GRWD1: variants seen among roughly 807,000 people sequenced by gnomAD.
GRWD1 encodes glutamate rich WD repeat containing 1.
GRWD1 carries 29 observed loss-of-function variants against 45.3 expected under a neutral mutation model. The observed-to-expected ratio is 0.64, with a 90% CI of 0.48 to 0.87. The LOEUF (loss-of-function observed/expected upper bound fraction) is 0.87, where lower values mean the gene tolerates loss of function less well. GRWD1 is among the 40% of genes least tolerant of loss of function. The probability of loss-of-function intolerance (pLI) is 0.00; values close to 1 mark genes in which losing one functional copy is unlikely to be tolerated. For missense variants in GRWD1, 592 were observed against 618.8 expected (o/e 0.96, Z 0.46); for synonymous variants, 262 against 257.6 (o/e 1.02, Z -0.16).
chr19:48,456,196 GCCCACCTGC>G lies in GRWD1; in HGVS notation c.*3175_*3183del, dbSNP rs1971537968. On this transcript the variant is annotated 3_prime_UTR_variant, in exon 7 of 7. Coordinates refer to ENST00000253237, the MANE Select transcript of GRWD1 (RefSeq NM_031485.4). ...CTGGGGAGCACAGGTCAGTGTCAGT[GCCCACCTGC>G]CCCCCCAGCCCACGGGGGTGGTTCC... The G allele has an allele frequency of 6.6e-6, 1 of 152,294 alleles. No individual in the cohort carries two copies. Among genetic ancestry groups the G allele is most frequent in the African/African-American group, 2.4e-5 (1 of 41,436 alleles). 9.4% of individuals were successfully genotyped at this position (152,294 alleles called of 1,614,324 possible). A position where few individuals can be genotyped will look rare whatever the true frequency, so the allele number is the denominator to read the frequency against.
rs989555449 is a variant in GRWD1, at chr19:48,446,850, A to G, written c.468+7A>G. Reference sequence around the variant, plus strand: ...TGGCATCAACCGAGTTCGGGTAAGTATGGTCCCAGGAGCCTGCTCTGCATA... The same window carrying G: ...TGGCATCAACCGAGTTCGGGTAAGTGTGGTCCCAGGAGCCTGCTCTGCATA... On this transcript the variant is annotated splice_region_variant and intron_variant, in intron 3 of 6. Transcript: ENST00000253237. The G allele has an allele frequency of 2.3e-5, 37 of 1,609,680 alleles. No homozygotes were observed. The highest frequency in any genetic ancestry group is 3.1e-5 in the Non-Finnish European group (37 of 1,178,326).
At chr19:48,447,071 A>AT (rs869052120) in intron 3 of GRWD1, among the ~76,000 whole-genome samples, 1,181 of 19,298 alleles carry the variant, frequency 0.061, 16 homozygotes, top group South Asian at 0.36. Context: ...TGCCTGGCCC[A>AT]TTTTTTTTTT....
chr19:48,450,975 G>T lies in GRWD1; in HGVS notation c.826-59G>T. The T allele has an allele frequency of 6.4e-7, 1 of 1,556,120 alleles. No homozygotes were observed. Among genetic ancestry groups the T allele is most frequent in the Non-Finnish European group, 8.8e-7 (1 of 1,139,502 alleles). On this transcript the variant is annotated intron_variant, in intron 5 of 6. Coordinates refer to ENST00000253237, the MANE Select transcript of GRWD1 (RefSeq NM_031485.4). The surrounding 1 kb of genome is among the most constrained non-coding windows in gnomAD (Gnocchi z 5.1). ...AAAGAGAGAGTAGCCCACCGCTGGCGCTTGGGCTTCACTGCGGGCTGGGGG... is the reference window on the plus strand; with the variant it reads ...AAAGAGAGAGTAGCCCACCGCTGGCTCTTGGGCTTCACTGCGGGCTGGGGG...
At chr19:48,447,278 G>A (rs1333026739) in intron 3 of GRWD1, among the ~76,000 whole-genome samples, 1 of 151,530 alleles carries the variant, frequency 6.6e-6, no homozygotes, top group African/African-American at 2.4e-5. Context: ...ATGAAGTCTT[G>A]CTCTGTCGCT....
chr19:48,446,466 G>T lies in GRWD1; in HGVS notation c.269G>T (p.Cys90Phe). Residue 90 changes from cysteine (C) to phenylalanine (F), a missense_variant, in exon 2 of 7, where the codon TGT (cysteine) becomes TTT (phenylalanine). Coordinates refer to ENST00000253237, the MANE Select transcript of GRWD1 (RefSeq NM_031485.4). ...RTELPLTLYL[C>F]AGTQAESAQS... ...GAGCTTCCTCTTACACTTTACTTGT[G>T]TGCTGGGACCCAGGCTGAGAGCGCC... The T allele has an allele frequency of 1.2e-6, 2 of 1,614,192 alleles. No individual in the cohort carries two copies. Among genetic ancestry groups the T allele is most frequent in the South Asian group, 1.1e-5 (1 of 91,088 alleles).
Position 48,446,512 on chromosome 19 carries a change from G to A in GRWD1, c.305+10G>A. 6.2e-7 allele frequency: 1 copy of A among 1,611,622 alleles called. No homozygotes were observed. The highest frequency in any genetic ancestry group is 8.5e-7 in the Non-Finnish European group (1 of 1,177,842). ...GCGCCCAGAGCAACAGGTAAGACCC[G>A]AGGCTTTTCCAGGACCAGGAGGCTC... is the stretch of plus-strand genomic sequence containing the variant. On this transcript the variant is annotated intron_variant, in intron 2 of 6. Coordinates refer to ENST00000253237, the MANE Select transcript of GRWD1 (RefSeq NM_031485.4).
In GRWD1 at chr19:48,452,345, G is replaced by A. The variant is rs1201307013; in HGVS notation, c.1024-363G>A. Among the ~76,000 whole-genome samples, 7 of 151,860 alleles carry A rather than the reference G, an allele frequency of 4.6e-5. No homozygotes were observed. The highest frequency in any genetic ancestry group is 4.2e-4 in the South Asian group (2 of 4,812). ...ACTCCTGACCTCGGGTGATCCACCCGCCTTGGCCTCCCAAGGTGCTGAGAT... is the reference window on the plus strand; with the variant it reads ...ACTCCTGACCTCGGGTGATCCACCCACCTTGGCCTCCCAAGGTGCTGAGAT... On this transcript the variant is annotated intron_variant, in intron 6 of 6. Coordinates refer to ENST00000253237, the MANE Select transcript of GRWD1 (RefSeq NM_031485.4). This position sits in a 1 kb window ranked among gnomAD's most constrained non-coding sequence, Gnocchi z 5.1.
Position 48,450,689 on chromosome 19 carries a change from C to A in GRWD1, c.706C>A (p.Gln236Lys). ...VTGRLLTGDCQKNIHLWTPTD... is the reference protein window; with the variant it reads ...VTGRLLTGDCKKNIHLWTPTD... ...AGGTCGCCTGCTGACCGGTGACTGT[C>A]AAAAGAACATCCACCTCTGGACACC... is the stretch of plus-strand genomic sequence containing the variant. Residue 236 changes from glutamine to lysine, a missense_variant, in exon 5 of 7, where the codon CAA becomes AAA. By Grantham distance (53) the Gln-to-Lys change is moderately conservative (BLOSUM62 1). Transcript: ENST00000253237. The surrounding 1 kb of genome is among the most constrained non-coding windows in gnomAD (Gnocchi z 5.1). 6.2e-7 allele frequency: 1 copy of A among 1,614,008 alleles called. No individual in the cohort carries two copies.
chr19:48,450,720 A>G lies in GRWD1; in HGVS notation c.737A>G (p.Asp246Gly), dbSNP rs564945522. The change falls in exon 5 of 7, where the codon GAC becomes GGC. Residue 246 changes from aspartate (D) to glycine (G), a missense_variant. Coordinates refer to ENST00000253237, the MANE Select transcript of GRWD1 (RefSeq NM_031485.4). This position sits in a 1 kb window ranked among gnomAD's most constrained non-coding sequence, Gnocchi z 5.1. ...AACATCCACCTCTGGACACCTACGG[A>G]CGGCGGCTCCTGGCACGTGGACCAG... Reference protein sequence around the residue: ...QKNIHLWTPTDGGSWHVDQRP... With the variant: ...QKNIHLWTPTGGGSWHVDQRP... 7.4e-6 allele frequency: 12 copies of G among 1,613,982 alleles called. No homozygotes were observed. The East Asian group carries it at 2.0e-4, about 27-fold the overall frequency.
chr19:48,452,772 C>T lies in GRWD1; in HGVS notation c.1088C>T (p.Pro363Leu), dbSNP rs745897631. ...CCCGTGACCTCCGTCGAGTGGCACCCCCAGGACAGCGGGGTCTTTGCAGCC... is the reference window on the plus strand; with the variant it reads ...CCCGTGACCTCCGTCGAGTGGCACCTCCAGGACAGCGGGGTCTTTGCAGCC... ...VAPVTSVEWH[P>L]QDSGVFAASG... The change falls in exon 7 of 7, where the codon CCC (proline) becomes CTC (leucine). Residue 363 changes from proline (P) to leucine (L), a missense_variant. By Grantham distance (98) the Pro-to-Leu change is moderately conservative. Transcript: ENST00000253237. This position sits in a 1 kb window ranked among gnomAD's most constrained non-coding sequence, Gnocchi z 5.1. 3.7e-6 allele frequency: 6 copies of T among 1,608,646 alleles called. No homozygotes were observed. In the Admixed American group the frequency reaches 1.0e-4, roughly 27 times the overall value.
At position 48,452,348 on chromosome 19, in the gene GRWD1, T is replaced by C. The variant is rs1216763292; in HGVS notation, c.1024-360T>C. On this transcript the variant is annotated intron_variant, in intron 6 of 6. Transcript: ENST00000253237. This position sits in a 1 kb window ranked among gnomAD's most constrained non-coding sequence, Gnocchi z 5.1. ...CCTGACCTCGGGTGATCCACCCGCC[T>C]TGGCCTCCCAAGGTGCTGAGATTAC... is the stretch of plus-strand genomic sequence containing the variant. Among the ~76,000 whole-genome samples the C allele has an allele frequency of 6.6e-6, 1 of 152,104 alleles. No homozygotes were observed. The highest frequency in any genetic ancestry group is 2.4e-5 in the African/African-American group (1 of 41,444).
rs1438833026 is a variant in GRWD1 at position 48,453,212 on chromosome 19, A to T, written c.*187A>T. 1 of 570,014 alleles carries T rather than the reference A, an allele frequency of 1.8e-6. No individual in the cohort carries two copies. Among genetic ancestry groups the T allele is most frequent in the Non-Finnish European group, 3.1e-6 (1 of 325,930 alleles). 35.3% of individuals were successfully genotyped at this position (570,014 alleles called of 1,614,324 possible). A position where few individuals can be genotyped will look rare whatever the true frequency, so the allele number is the denominator to read the frequency against. ...GATCCAGTGACCCCTCTCACCAAAG[A>T]ACTCGGTTTAACCAGGGCTCTGTAA... On this transcript the variant is annotated 3_prime_UTR_variant, in exon 7 of 7. Transcript: ENST00000253237.
intron 1 of GRWD1, 36 bp from the exon 2 acceptor site, chr19:48,446,349 C>T (rs776555362): frequency 4.4e-6 from 7 of 1,597,034 alleles, no homozygotes; most frequent in East Asian, 2.2e-5. Context: ...TCTTACTGTC[C>T]CGTCTTAACT....
In GRWD1 at chr19:48,446,782, A is replaced by G. The variant is rs1204199408; in HGVS notation, c.407A>G (p.Glu136Gly). The G allele has an allele frequency of 6.2e-7, 1 of 1,614,134 alleles. No homozygotes were observed. The highest frequency in any genetic ancestry group is 2.2e-5 in the East Asian group (1 of 44,878). Residue 136 changes from glutamate to glycine, a missense_variant, in exon 3 of 7, where the codon GAG (glutamate) becomes GGG (glycine). Coordinates refer to ENST00000253237, the MANE Select transcript of GRWD1 (RefSeq NM_031485.4). Reference protein sequence around the residue: ...EEEEDEEDEEERKPQLELAMV... With the variant: ...EEEEDEEDEEGRKPQLELAMV... ...GAGGAAGATGAAGAGGATGAAGAAG[A>G]GCGGAAACCTCAGCTGGAGCTGGCC...
chr19:48,450,844 A>G lies in GRWD1; in HGVS notation c.825+36A>G. 2 of 1,594,476 alleles carry G rather than the reference A, an allele frequency of 1.3e-6. No homozygotes were observed. The highest frequency in any genetic ancestry group is 1.7e-6 in the Non-Finnish European group (2 of 1,167,680). ...GTGGGGTTCTGGTCGTTTAGTTCTG[A>G]TGGATTCTAGGCCAGGGACCTAGAA... On this transcript the variant is annotated intron_variant, in intron 5 of 6. Coordinates refer to ENST00000253237, the MANE Select transcript of GRWD1 (RefSeq NM_031485.4). This position sits in a 1 kb window ranked among gnomAD's most constrained non-coding sequence, Gnocchi z 5.1.
In GRWD1 at chr19:48,446,097, A is replaced by T; in HGVS notation, c.92A>T (p.Gln31Leu). The change falls in exon 1 of 7, where the codon CAG (glutamine) becomes CTG (leucine). Residue 31 changes from glutamine to leucine, a missense_variant. Coordinates refer to ENST00000253237, the MANE Select transcript of GRWD1 (RefSeq NM_031485.4). Reference protein sequence around the residue: ...SGDTSSEGPAQVYLPGRGPPL... With the variant: ...SGDTSSEGPALVYLPGRGPPL... Reference sequence around the variant, plus strand: ...GACACAAGTTCCGAGGGCCCGGCCCAGGTCTACCTGCCCGGCCGGGGGCCG... The same window carrying T: ...GACACAAGTTCCGAGGGCCCGGCCCTGGTCTACCTGCCCGGCCGGGGGCCG... 1 of 1,595,246 alleles carries T rather than the reference A, an allele frequency of 6.3e-7. No individual in the cohort carries two copies. The highest frequency in any genetic ancestry group is 8.5e-7 in the Non-Finnish European group (1 of 1,173,470).
intron 2 of GRWD1, 71 bp from the exon 3 acceptor site, chr19:48,446,610 G>C (rs976096953): frequency 2.6e-5 from 40 of 1,552,218 alleles, no homozygotes; most frequent in African/African-American, 1.4e-5. Flanking sequence ...CCAGGAGTCT[G>C]GGTTTCCAGC....
rs1474732095 is a variant in GRWD1, at chr19:48,455,332, G to T, written c.*2307G>T. On this transcript the variant is annotated 3_prime_UTR_variant, in exon 7 of 7. Transcript: ENST00000253237. ...CTGTCCAGCCCCCACCAGTAGGTGG[G>T]GAGTGGTGGGGAACACCCCTGGTTT... 6.6e-6 allele frequency: 1 copy of T among 152,240 alleles called. No homozygotes were observed. The highest frequency in any genetic ancestry group is 1.5e-5 in the Non-Finnish European group (1 of 68,068). 9.4% of individuals were successfully genotyped at this position (152,240 alleles called of 1,614,324 possible).
At position 48,454,982 on chromosome 19, in the gene GRWD1, C is replaced by G. The variant is rs1971522262; in HGVS notation, c.*1957C>G. ...TTCGTTTTCCCAATTGCCCTGTCCG[C>G]CTCTATCTTCTCTGTCCCCCTCCAT... is the stretch of plus-strand genomic sequence containing the variant. On this transcript the variant is annotated 3_prime_UTR_variant, in exon 7 of 7. Transcript: ENST00000253237. 6.6e-6 allele frequency: 1 copy of G among 152,098 alleles called. No individual in the cohort carries two copies. Among genetic ancestry groups the G allele is most frequent in the Non-Finnish European group, 1.5e-5 (1 of 68,196 alleles). The allele number at this position is 152,098 out of a possible 1,614,324, so 9.4% of individuals were successfully genotyped here.
Sources: allele counts gnomAD v4.1 joint callset (sites outside exome capture counted in the v4.1 genomes callset), GRCh38; gene constraint gnomAD v4.1.1; non-coding constraint Gnocchi (gnomAD v3.1); transcripts MANE v1.5; gene names NCBI Gene and HGNC (gene_info 2026-07-23, HGNC 2026-07-21).